The following PCNT variants were observed in gnomAD, a reference collection of about 807,000 sequenced individuals.
PCNT encodes the protein kendrin.
PCNT carries 319 observed loss-of-function variants against 380.4 expected under a neutral mutation model. That is an observed-to-expected ratio of 0.84 (90% CI 0.77 to 0.92). The LOEUF is 0.92. Among genes scored for constraint, PCNT ranks in the 40% least tolerant of loss-of-function variants. The pLI, the probability that PCNT is intolerant of heterozygous loss-of-function variation, is 0.00. For synonymous variants in PCNT, 1,845 were observed against 1,735.2 expected, an observed-to-expected ratio of 1.06 and a Z score of -1.57; for missense variants, 4,400 against 4,255.3, an observed-to-expected ratio of 1.03 and a Z score of -0.95.
Position 46,435,009 on chromosome 21 carries a change from C to T in PCNT, c.8752-895C>T, listed in dbSNP as rs537485140. On this transcript the variant is annotated intron_variant, in intron 38 of 46. Coordinates refer to ENST00000359568, the MANE Select transcript of PCNT (RefSeq NM_006031.6). ...AAAAACTACGATGGAAACGCTTTTACCACTGAATCATTCTGGGGTGTGTGA... is the reference window on the plus strand; with the variant it reads ...AAAAACTACGATGGAAACGCTTTTATCACTGAATCATTCTGGGGTGTGTGA... 1.2e-4 allele frequency among the ~76,000 whole-genome samples: 19 copies of T among 152,266 alleles called. No homozygotes were observed. In the East Asian group the frequency reaches 3.7e-3, roughly 29 times the overall value.
Position 46,388,914 on chromosome 21 carries a change from C to T in PCNT, c.3607+30C>T. 1.3e-6 allele frequency: 2 copies of T among 1,570,042 alleles called. No homozygotes were observed. The highest frequency in any genetic ancestry group is 8.6e-7 in the Non-Finnish European group (1 of 1,164,102). On this transcript the variant is annotated intron_variant, in intron 18 of 46. Transcript: ENST00000359568. This position sits in a 1 kb window ranked among gnomAD's most constrained non-coding sequence, Gnocchi z 4.2. The stretch of plus-strand genomic sequence containing the variant: ...GTGTGCCGGGACCAGCTGCCCAGCC[C>T]TGTGCTTGCAGCCCCTCTGTGGTCC...
At chr21:46,405,974 G>A (rs867585288) in intron 27 of PCNT, among the ~76,000 whole-genome samples, 5 of 152,092 alleles carry the variant, frequency 3.3e-5, no homozygotes, top group African/African-American at 4.8e-5. Flanking sequence ...TTGTAAAGAT[G>A]CGGATGCTAT....
chr21:46,438,120 C>T, intron 40 of PCNT, 44 bp from the exon 41 acceptor site: 1 of 1,486,730 alleles, frequency 6.7e-7, no homozygotes, highest in South Asian at 1.2e-5. Flanking sequence ...ATGTTCATGC[C>T]CTTTAACAAC....
In PCNT at chr21:46,438,176, G is replaced by A. The variant is rs2053513166; in HGVS notation, c.9112G>A (p.Ala3038Thr). Residue 3038 changes from alanine to threonine, a missense_variant, in exon 41 of 47, where the codon GCA (alanine) becomes ACA (threonine). Physicochemically the swap from Ala to Thr is moderately conservative, Grantham distance 58. Transcript: ENST00000359568. ...RPTSSQKKMA[A>T]ELQFQFVDVL... Reference sequence around the variant, plus strand: ...TCTTTTCTCCAAGAAAAAAATGGCAGCAGAGCTGCAGTTCCAGTTTGTGGA... The same window carrying A: ...TCTTTTCTCCAAGAAAAAAATGGCAACAGAGCTGCAGTTCCAGTTTGTGGA... The A allele has an allele frequency of 1.9e-6, 3 of 1,613,668 alleles. No individual in the cohort carries two copies. The Admixed American group carries it at 5.0e-5, about 27-fold the overall frequency.
rs769203851 is a variant in PCNT at position 46,326,420 on chromosome 21, A to G, written c.98A>G (p.His33Arg). ...RQRKTKGDSS[H>R]SEKKTAKRKG... Reference sequence around the variant, plus strand: ...AGAAAAACAAAAGGTGACAGTTCGCATTCGGAGAAAAAGACGGCGAAGAGG... The same window carrying G: ...AGAAAAACAAAAGGTGACAGTTCGCGTTCGGAGAAAAAGACGGCGAAGAGG... The change falls in exon 2 of 47, where the codon CAT becomes CGT. Residue 33 changes from histidine (H) to arginine (R), a missense_variant. Transcript: ENST00000359568. 1.1e-5 allele frequency: 18 copies of G among 1,614,240 alleles called. No homozygotes were observed. The highest frequency in any genetic ancestry group is 1.5e-5 in the Non-Finnish European group (18 of 1,180,048).
In PCNT at chr21:46,389,431, G is replaced by C. The variant is rs1569239749; in HGVS notation, c.3840G>C (p.Gln1280His). 6.2e-7 allele frequency: 1 copy of C among 1,612,730 alleles called. No homozygotes were observed. The highest frequency in any genetic ancestry group is 1.6e-4 in the Middle Eastern group (1 of 6,080). ...LMEMALDSSR[Q>H]LEEARQIHSR... ...AGATGGCCCTGGACTCCAGCAGGCA[G>C]GTGAGGCCCAGGCTCCCGGGGTCCT... The change falls in exon 19 of 47, where the codon CAG becomes CAC. Residue 1280 changes from glutamine (Q) to histidine (H), a missense_variant and splice_region_variant. Transcript: ENST00000359568.
In PCNT at chr21:46,418,280, A is replaced by G; in HGVS notation, c.6998A>G (p.Glu2333Gly). Residue 2333 changes from glutamate (E) to glycine (G), a missense_variant, in exon 31 of 47, where the codon GAA (glutamate) becomes GGA (glycine). Transcript: ENST00000359568. The stretch of plus-strand genomic sequence containing the variant: ...TTAAGTTCACCTCCTCCTGGATTAG[A>G]AGGAAAAGCTGATAGAAGTGAGAAA... ...ETLSSPPPGL[E>G]GKADRSEKSD... 2 of 1,602,398 alleles carry G rather than the reference A, an allele frequency of 1.2e-6. No individual in the cohort carries two copies. The highest frequency in any genetic ancestry group is 1.7e-6 in the Non-Finnish European group (2 of 1,169,302).
At chr21:46,395,821 T>C (rs2086191122) in intron 21 of PCNT, among the ~76,000 whole-genome samples, 1 of 151,246 alleles carries the variant, frequency 6.6e-6, no homozygotes, top group South Asian at 2.1e-4. Context: ...GAAATAATAG[T>C]AATAAAATGG....
intron 17 of PCNT, among the ~76,000 whole-genome samples, chr21:46,386,226 G>T (rs1374147991): frequency 6.6e-6 from 1 of 152,140 alleles, no homozygotes; most frequent in Non-Finnish European, 1.5e-5. Flanking sequence ...TGCCTGCTGT[G>T]TCTCATTTCC....
intron 19 of PCNT, among the ~76,000 whole-genome samples, 164 bp from the exon 20 acceptor site, chr21:46,390,506 C>G (rs934935155): frequency 2.0e-5 from 3 of 151,816 alleles, no homozygotes; most frequent in Non-Finnish European, 4.4e-5. Flanking sequence ...CACAGTGTCT[C>G]GGAGGGTGGC....
intron 1 of PCNT, among the ~76,000 whole-genome samples, 180 bp downstream of exon 1, chr21:46,324,462 G>T (rs531997776): frequency 4.0e-5 from 6 of 151,628 alleles, no homozygotes; most frequent in African/African-American, 1.4e-4. Flanking sequence ...TCTTGAATCC[G>T]CCGCTCTCCG....
intron 24 of PCNT, among the ~76,000 whole-genome samples, chr21:46,399,255 T>TGTGCAGCCTGTGGGTCTAGGTCTCCCC: frequency 6.6e-6 from 1 of 150,844 alleles, no homozygotes; most frequent in African/African-American, 2.4e-5. Context: ...TAGGTCTCCC[T>TGTGCAGCCTGTGGGTCTAGGTCTCCCC]GTGCAGCCTG....
At chr21:46,324,847 G>A in intron 1 of PCNT, 1 of 984,404 alleles carries the variant, frequency 1.0e-6, no homozygotes, top group Non-Finnish European at 1.2e-6. Context: ...GTGCGCCTTC[G>A]CCTCGTCCGT....
chr21:46,442,717 C>T (rs1376331037), intron 44 of PCNT, 144 bp downstream of exon 44: 10 of 698,680 alleles, frequency 1.4e-5, no homozygotes, highest in Admixed American at 6.1e-5. Context: ...TCAGAGCAGT[C>T]GTCCAGAGGG....
In PCNT at chr21:46,351,522, A is replaced by G. The variant is rs199807929; in HGVS notation, c.1438A>G (p.Ser480Gly). The G allele has an allele frequency of 4.6e-5, 74 of 1,604,358 alleles. 1 individual carries two copies. The Admixed American group carries it at 1.2e-3, about 26-fold the overall frequency. ...LWSQLDSART[S>G]RQELSELHEQ... ...GTCCCAGCTTGATTCTGCCAGGACCAGTAGACAGGAATTGAGTGGTGAGGA... is the reference window on the plus strand; with the variant it reads ...GTCCCAGCTTGATTCTGCCAGGACCGGTAGACAGGAATTGAGTGGTGAGGA... Residue 480 changes from serine to glycine, a missense_variant, in exon 9 of 47, where the codon AGT becomes GGT. Transcript: ENST00000359568.
intron 2 of PCNT, among the ~76,000 whole-genome samples, chr21:46,327,685 C>T (rs538976518): frequency 6.6e-6 from 1 of 152,362 alleles, no homozygotes; most frequent in South Asian, 2.1e-4. Context: ...GTGTCAGCCC[C>T]TTTGATGGGT....
chr21:46,366,577 G>A lies in PCNT; in HGVS notation c.2610-7G>A, dbSNP rs753811883. ...TTAACTGTCCTGTGTTCACTTTGTTGCCGCAGGTTTTTAGAGGAACGTAAA... is the reference window on the plus strand; with the variant it reads ...TTAACTGTCCTGTGTTCACTTTGTTACCGCAGGTTTTTAGAGGAACGTAAA... On this transcript the variant is annotated splice_region_variant and splice_polypyrimidine_tract_variant and intron_variant, in intron 14 of 46. Coordinates refer to ENST00000359568, the MANE Select transcript of PCNT (RefSeq NM_006031.6). 6.8e-6 allele frequency: 11 copies of A among 1,613,024 alleles called. No individual in the cohort carries two copies. In the Middle Eastern group the frequency reaches 4.9e-4, roughly 72 times the overall value.
At chr21:46,341,834 A>G (rs2083917955) in intron 3 of PCNT, among the ~76,000 whole-genome samples, 1 of 151,862 alleles carries the variant, frequency 6.6e-6, no homozygotes, top group Non-Finnish European at 1.5e-5. Flanking sequence ...ATGCACCACC[A>G]TGCCTGGCAA....
In PCNT at chr21:46,324,363, C is replaced by T. The variant is rs2083283383; in HGVS notation, c.54+81C>T. The T allele has an allele frequency of 7.5e-6, 9 of 1,195,034 alleles. No individual in the cohort carries two copies. In the South Asian group the frequency reaches 1.2e-4, roughly 15 times the overall value. 74.0% of individuals were successfully genotyped at this position (1,195,034 alleles called of 1,614,324 possible). On this transcript the variant is annotated intron_variant, in intron 1 of 46. Transcript: ENST00000359568. ...TCCGGTGCCCGCCACCGCCCCCTGC[C>T]AGGAGAGGACGCGGTCCGGCGGAAG...
Sources: gnomAD v4.1 joint callset for allele counts (sites outside exome capture counted in the v4.1 genomes callset) on GRCh38, gnomAD v4.1.1 for gene constraint, Gnocchi (gnomAD v3.1) non-coding constraint, MANE v1.5 for transcripts, NCBI Gene and HGNC (gene_info 2026-07-23, HGNC 2026-07-21) for gene names.